ATG16L1: variants seen among roughly 807,000 people sequenced by gnomAD.
The protein encoded by ATG16L1 is autophagy related 16 like 1.
A neutral mutation model predicts 88.5 loss-of-function variants in ATG16L1; 37 were observed. The observed-to-expected ratio is 0.42, with a 90% CI of 0.32 to 0.55. The LOEUF (loss-of-function observed/expected upper bound fraction) is 0.55. ATG16L1 is among the 20% of genes least tolerant of loss of function. The pLI, the probability that ATG16L1 is intolerant of heterozygous loss-of-function variation, is 0.13. For synonymous variants in ATG16L1, 301 were observed against 281.0 expected (o/e 1.07, Z -0.71); for missense variants, 554 against 752.8 (o/e 0.74, Z 3.09).
chr2:233,255,855 T>G (rs918220200), intron 1 of ATG16L1, among the ~76,000 whole-genome samples: 4 of 152,240 alleles, frequency 2.6e-5, no homozygotes, highest in Non-Finnish European at 4.4e-5. Flanking sequence ...AGCATTTCAC[T>G]TTGCCATTGT....
chr2:233,284,370 C>T (rs1029843475), intron 12 of ATG16L1, among the ~76,000 whole-genome samples: 1 of 151,858 alleles, frequency 6.6e-6, no homozygotes, highest in Non-Finnish European at 1.5e-5. Context: ...CTTGCTCTGT[C>T]GCCCAGGCTA....
At chr2:233,259,297 C>G (rs549512095) in intron 2 of ATG16L1, among the ~76,000 whole-genome samples, 3 of 152,236 alleles carry the variant, frequency 2.0e-5, no homozygotes, top group African/African-American at 7.2e-5. Context: ...AGGACACATG[C>G]AGAAAATGGT....
intron 5 of ATG16L1, 148 bp from the exon 6 acceptor site, chr2:233,269,854 T>G: frequency 1.5e-6 from 1 of 671,370 alleles, no homozygotes; most frequent in East Asian, 2.9e-5. Flanking sequence ...GAGTTTGGGC[T>G]TGTGACTTTT....
At chr2:233,275,800 G>A (rs916744789) in intron 9 of ATG16L1, 5 of 519,136 alleles carry the variant, frequency 9.6e-6, no homozygotes, top group Admixed American at 1.9e-5. Context: ...ACTCCCAGCA[G>A]CCCATTTTTT....
At position 233,290,000 on chromosome 2, in the gene ATG16L1, G is replaced by C. The variant is rs563823175; in HGVS notation, c.1324+26G>C. The C allele has an allele frequency of 6.8e-6, 11 of 1,610,810 alleles. No homozygotes were observed. The African/African-American group carries it at 1.2e-4, about 18-fold the overall frequency. ...GTGAGGAAATTCAGTCTCTCTGTCT[G>C]TGTATATGCTTAGATGTTAGCGTGG... is the stretch of plus-strand genomic sequence containing the variant. On this transcript the variant is annotated intron_variant, in intron 13 of 17. Coordinates refer to ENST00000392017, the MANE Select transcript of ATG16L1 (RefSeq NM_030803.7).
rs756763843 is a variant in ATG16L1, at chr2:233,266,979, T to TA, written c.641+1837dup. Among the ~76,000 whole-genome samples the TA allele has an allele frequency of 6.5e-4, 98 of 151,306 alleles. 2 individuals are homozygous for TA. Among genetic ancestry groups the TA allele is most frequent in the Non-Finnish European group, 1.8e-4 (12 of 67,834 alleles). On this transcript the variant is annotated intron_variant, in intron 5 of 17. Coordinates refer to ENST00000392017, the MANE Select transcript of ATG16L1 (RefSeq NM_030803.7). ...TGTGGTTACTAGAGCATGGGAAGAG[T>TA]AGTGGGGAAGGAGGTTAAAGAGAGA... is the stretch of plus-strand genomic sequence containing the variant.
intron 16 of ATG16L1, among the ~76,000 whole-genome samples, chr2:233,292,719 A>G (rs1217855727): frequency 6.6e-6 from 1 of 152,188 alleles, no homozygotes; most frequent in East Asian, 1.9e-4. Flanking sequence ...CATTCACGCA[A>G]GAGCTGTTGG....
At position 233,256,208 on chromosome 2, in the gene ATG16L1, T is replaced by G; in HGVS notation, c.209+13T>G. ...GGCACGAGATAAGGTATTTTGAAAC[T>G]AACTTGTATTATTTATGTCTCCTCT... On this transcript the variant is annotated intron_variant, in intron 2 of 17. Transcript: ENST00000392017. 3.7e-6 allele frequency: 6 copies of G among 1,602,874 alleles called. No individual in the cohort carries two copies. Among genetic ancestry groups the G allele is most frequent in the Non-Finnish European group, 4.3e-6 (5 of 1,170,372 alleles).
intron 4 of ATG16L1, 169 bp downstream of exon 4, chr2:233,264,234 A>G (rs1404670693): frequency 3.3e-6 from 2 of 612,844 alleles, no homozygotes; most frequent in Non-Finnish European, 5.6e-6. Context: ...CAGCTCTGAG[A>G]AGGAAAAAGC....
chr2:233,290,213 C>T (rs1470322247), intron 13 of ATG16L1, 35 bp from the exon 14 acceptor site: 1 of 1,604,028 alleles, frequency 6.2e-7, no homozygotes, highest in African/African-American at 1.3e-5. Context: ...ACGTTGGTGC[C>T]TCTGCTTGAT....
intron 10 of ATG16L1, among the ~76,000 whole-genome samples, chr2:233,279,945 G>C (rs995656049): frequency 6.6e-6 from 1 of 152,208 alleles, no homozygotes; most frequent in Non-Finnish European, 1.5e-5. Flanking sequence ...AGAATTTGCA[G>C]TAATATTTTT....
At chr2:233,284,298 C>A (rs1160225474) in intron 12 of ATG16L1, among the ~76,000 whole-genome samples, 1 of 152,058 alleles carries the variant, frequency 6.6e-6, no homozygotes, top group East Asian at 1.9e-4. Flanking sequence ...CATGCATCCT[C>A]CACCACGCCC....
At chr2:233,281,292 A>G in intron 11 of ATG16L1, 117 bp downstream of exon 11, 3 of 747,182 alleles carry the variant, frequency 4.0e-6, no homozygotes, top group Non-Finnish European at 6.3e-6. Flanking sequence ...TCTTAAGCCA[A>G]ATCCATGTTA....
intron 2 of ATG16L1, among the ~76,000 whole-genome samples, chr2:233,259,685 ACTT>A (rs1490341684): frequency 1.3e-5 from 2 of 151,834 alleles, no homozygotes; most frequent in South Asian, 2.1e-4. Flanking sequence ...TGCCCTCCTG[ACTT>A]CTTTGTTTCC....
At chr2:233,277,792 C>T (rs1300058481) in intron 10 of ATG16L1, 119 bp downstream of exon 10, 1 of 810,288 alleles carries the variant, frequency 1.2e-6, no homozygotes, top group Non-Finnish European at 2.1e-6. Flanking sequence ...GTGAATTGTT[C>T]ATTTTCTCAA....
At chr2:233,283,064 G>A in intron 12 of ATG16L1, 1 of 277,556 alleles carries the variant, frequency 3.6e-6, no homozygotes, top group South Asian at 4.5e-5. Flanking sequence ...AACAGCATGT[G>A]AATTGTGATT....
intron 12 of ATG16L1, among the ~76,000 whole-genome samples, chr2:233,289,171 A>T (rs1204670222): frequency 6.6e-6 from 1 of 152,186 alleles, no homozygotes; most frequent in Admixed American, 6.5e-5. Context: ...GCTGATTTCA[A>T]ATTCAAGATT....
In ATG16L1 at chr2:233,255,004, C is replaced by T. The variant is rs906322128; in HGVS notation, c.116-1098C>T. 2.6e-5 allele frequency among the ~76,000 whole-genome samples: 4 copies of T among 152,052 alleles called. No homozygotes were observed. In the East Asian group the frequency reaches 7.7e-4, roughly 29 times the overall value. On this transcript the variant is annotated intron_variant, in intron 1 of 17. Coordinates refer to ENST00000392017, the MANE Select transcript of ATG16L1 (RefSeq NM_030803.7). ...TTATTTATTTATTTAGAGACAGTCT[C>T]ACTCTGTCGCCCAGGCTGGAGTGCA...
intron 1 of ATG16L1, among the ~76,000 whole-genome samples, chr2:233,253,433 C>T (rs529055614): frequency 1.3e-5 from 2 of 149,714 alleles, no homozygotes; most frequent in African/African-American, 4.9e-5. Context: ...GCAACCTCCA[C>T]CTCCCAGGTT....
Sources: allele counts gnomAD v4.1 joint callset (sites outside exome capture counted in the v4.1 genomes callset), GRCh38; gene constraint gnomAD v4.1.1; transcripts MANE v1.5; gene names NCBI Gene and HGNC (gene_info 2026-07-23, HGNC 2026-07-21).